The following INSL6 variants were observed in gnomAD, a reference collection of about 807,000 sequenced individuals.
INSL6 encodes the protein insulin like 6.
A neutral mutation model predicts 9.4 loss-of-function variants in INSL6; 16 were observed. The observed-to-expected ratio is 1.70, with a 90% CI of 1.15 to 2.59. INSL6 has a LOEUF of 2.59. Ranked by LOEUF, INSL6 falls within the 30% of genes most tolerant of loss-of-function variation. The pLI is 0.00. For synonymous variants in INSL6, 154 were observed against 96.9 expected (o/e 1.59, Z -3.46); for missense variants, 391 against 257.3 (o/e 1.52, Z -3.56).
At chr9:5,108,827 C>T in the INSL6 span, 1 of 152,172 alleles carries the variant, frequency 6.6e-6, no homozygotes, top group Non-Finnish European at 1.5e-5. Context: ...CTCTCCTAAT[C>T]CAAACCCCTT....
chr9:5,128,038 C>T (rs1414340559), intron 3 of INSL6: 2 of 231,382 alleles, frequency 8.6e-6, no homozygotes, highest in African/African-American at 2.2e-5. Flanking sequence ...TATAGTGCTA[C>T]TCCACTTTAG....
At chr9:5,030,146 A>G in the INSL6 span, among the ~76,000 whole-genome samples, 11 of 152,178 alleles carry the variant, frequency 7.2e-5, no homozygotes, top group Non-Finnish European at 1.3e-4. Context: ...TTAACTCCTT[A>G]TGATTATAAT....
At chr9:5,075,972 C>T in the INSL6 span, among the ~76,000 whole-genome samples, 2 of 152,200 alleles carry the variant, frequency 1.3e-5, no homozygotes, top group East Asian at 3.9e-4. Context: ...TTCTAACCCT[C>T]CTGGATGACT....
the INSL6 span, chr9:5,022,242 T>C: frequency 6.1e-6 from 9 of 1,479,894 alleles, no homozygotes; most frequent in Non-Finnish European, 8.5e-6. Flanking sequence ...CATTTTCCTT[T>C]TTATGCATGG....
chr9:5,171,245 T>C (rs1437166185), intron 1 of INSL6, among the ~76,000 whole-genome samples: 1 of 152,216 alleles, frequency 6.6e-6, no homozygotes, highest in Non-Finnish European at 1.5e-5. Context: ...ACCACAAGAT[T>C]ATTTCAATAG....
the INSL6 span, chr9:5,089,731 G>A: frequency 6.3e-7 from 1 of 1,581,280 alleles, no homozygotes; most frequent in Non-Finnish European, 8.6e-7. Context: ...CAACACTGGG[G>A]AGGTGGTCGC....
At chr9:5,184,982 G>A (rs1455140251) in intron 1 of INSL6, among the ~76,000 whole-genome samples, 1 of 152,106 alleles carries the variant, frequency 6.6e-6, no homozygotes, top group Non-Finnish European at 1.5e-5. Context: ...GCCATGAAAA[G>A]GTCAATGATG....
chr9:5,180,058 T>A (rs1825412308), intron 1 of INSL6, among the ~76,000 whole-genome samples: 2 of 152,210 alleles, frequency 1.3e-5, no homozygotes, highest in South Asian at 4.1e-4. Context: ...TATTCTGTTG[T>A]GGGAAGTCAG....
chr9:5,087,769 G>A, the INSL6 span, among the ~76,000 whole-genome samples: 3 of 151,078 alleles, frequency 2.0e-5, no homozygotes, highest in Non-Finnish European at 4.4e-5. Context: ...AAGTCCCTTT[G>A]AAATGTTCTT....
intron 1 of INSL6, among the ~76,000 whole-genome samples, chr9:5,168,211 G>C (rs148806427): frequency 2.6e-5 from 4 of 152,124 alleles, no homozygotes; most frequent in Admixed American, 2.0e-4. Flanking sequence ...GCACAGAACC[G>C]GGCTGAGTCA....
chr9:5,043,009 CGCGGCTCG>C, the INSL6 span, among the ~76,000 whole-genome samples: 3 of 152,210 alleles, frequency 2.0e-5, no homozygotes, highest in African/African-American at 7.2e-5. Flanking sequence ...GCTGGCGTCG[CGCGGCTCG>C]GCCCCTGGGC....
chr9:5,038,878 C>A, the INSL6 span, among the ~76,000 whole-genome samples: 3 of 151,916 alleles, frequency 2.0e-5, no homozygotes, highest in African/African-American at 7.3e-5. Flanking sequence ...ATGTAATACA[C>A]CACATTAATA....
At chr9:5,146,211 AG>A (rs1175286599) in intron 2 of INSL6, among the ~76,000 whole-genome samples, 11 of 151,990 alleles carry the variant, frequency 7.2e-5, no homozygotes, top group Non-Finnish European at 2.9e-5. Context: ...TGAAGATTTT[AG>A]GGGGCCAGTA....
At chr9:5,112,704 T>C in the INSL6 span, 1 of 866,780 alleles carries the variant, frequency 1.2e-6, no homozygotes, top group Non-Finnish European at 1.7e-6. Flanking sequence ...GAGCAGCAAG[T>C]GCGAGAGCGG....
chr9:5,110,845 G>GA, the INSL6 span: 1 of 469,752 alleles, frequency 2.1e-6, no homozygotes, highest in East Asian at 5.2e-5. Flanking sequence ...GGAAGGTGGG[G>GA]GGGACGCTTC....
chr9:5,041,845 T>C, the INSL6 span: 1 of 472,606 alleles, frequency 2.1e-6, no homozygotes, highest in Non-Finnish European at 4.2e-6. Context: ...AATGGGGAGC[T>C]GAACGCGGAC....
Position 5,164,019 on chromosome 9 carries a change from C to G in INSL6, c.536G>C (p.Cys179Ser). The change falls in exon 2 of 2, where the codon TGT becomes TCT. Residue 179 changes from cysteine to serine, a missense_variant. Cys to Ser is a moderately radical substitution (Grantham distance 112). Transcript: ENST00000381641. ...TTCTTCTTTTGTACATCCTGTAAGA[C>G]AACACTTTTCTGAATATCCTCTGCG... ...RKRRGYSEKC[C>S]LTGCTKEELS... 1 of 1,613,512 alleles carries G rather than the reference C, an allele frequency of 6.2e-7. No homozygotes were observed. The highest frequency in any genetic ancestry group is 1.7e-5 in the Admixed American group (1 of 60,020).
At chr9:5,009,136 G>C in the INSL6 span, among the ~76,000 whole-genome samples, 4 of 152,128 alleles carry the variant, frequency 2.6e-5, no homozygotes, top group Non-Finnish European at 5.9e-5. Flanking sequence ...ACATAAGTTG[G>C]AACAACACAA....
chr9:5,185,597 C>G lies in INSL6; in HGVS notation c.6G>C (p.Pro2=), dbSNP rs115207805. Residue 2 remains proline, a synonymous_variant, in exon 1 of 2, where the codon CCG becomes CCC. Coordinates refer to ENST00000381641, the MANE Select transcript of INSL6 (RefSeq NM_007179.3). ...ACAGCAGGGACAAGCGGAGGAGCCG[C>G]GGCATCCCTGTGACCCCAGGCTAGT... M[P]RLLRLSLLWL... 3.7e-6 allele frequency: 6 copies of G among 1,611,670 alleles called. No individual in the cohort carries two copies. Among genetic ancestry groups the G allele is most frequent in the South Asian group, 2.2e-5 (2 of 90,808 alleles).
Sources: allele counts gnomAD v4.1 joint callset (sites outside exome capture counted in the v4.1 genomes callset), GRCh38; gene constraint gnomAD v4.1.1; transcripts MANE v1.5; gene names NCBI Gene and HGNC (gene_info 2026-07-23, HGNC 2026-07-21).